TRIP10: variants seen among roughly 807,000 people sequenced by gnomAD.
TRIP10 encodes the protein cdc42-interacting protein 4.
Under a neutral mutation model 80.9 loss-of-function variants are expected in TRIP10, and 54 were observed. The observed-to-expected ratio is 0.67, with a 90% CI of 0.54 to 0.84. The LOEUF is 0.84. Ranked by LOEUF, TRIP10 falls within the 40% of genes least tolerant of loss-of-function variation. The pLI, the probability that TRIP10 is intolerant of heterozygous loss-of-function variation, is 0.00. For missense variants in TRIP10, 773 were observed against 815.3 expected, an observed-to-expected ratio of 0.95 and a Z score of 0.63; for synonymous variants, 321 against 307.2, an observed-to-expected ratio of 1.04 and a Z score of -0.47.
In TRIP10 at chr19:6,745,419, T is replaced by G. The variant is rs573620485; in HGVS notation, c.984+425T>G. On this transcript the variant is annotated intron_variant, in intron 9 of 14. Coordinates refer to ENST00000313244, the MANE Select transcript of TRIP10 (RefSeq NM_001288962.2). This position sits in a 1 kb window ranked among gnomAD's most constrained non-coding sequence, Gnocchi z 7.2. ...CCTTAGCACCCTTGGTTTATACCTTTGATTTATACTTTGGGTCCCTCTTCA... is the reference window on the plus strand; with the variant it reads ...CCTTAGCACCCTTGGTTTATACCTTGGATTTATACTTTGGGTCCCTCTTCA... 1.3e-5 allele frequency among the ~76,000 whole-genome samples: 2 copies of G among 152,320 alleles called. No individual in the cohort carries two copies. The highest frequency in any genetic ancestry group is 3.9e-4 in the East Asian group (2 of 5,186).
intron 1 of TRIP10, among the ~76,000 whole-genome samples, chr19:6,740,369 G>A (rs10410021): frequency 0.3 from 45,254 of 152,056 alleles, 6,830 homozygotes; most frequent in Non-Finnish European, 0.31. Flanking sequence ...TATAACCTCA[G>A]CCCTGGAAGC....
At position 6,745,156 on chromosome 19, in the gene TRIP10, G is replaced by A; in HGVS notation, c.984+162G>A. 9.7e-7 allele frequency: 1 copy of A among 1,032,626 alleles called. No homozygotes were observed. The highest frequency in any genetic ancestry group is 1.4e-6 in the Non-Finnish European group (1 of 736,704). The allele number at this position is 1,032,626 out of a possible 1,614,324, so 64.0% of individuals were successfully genotyped here. ...TGGAGGGAAGGAAGGCGGCCGATTG[G>A]CCTGGGAGTCCCCCGAGGCGAAGGC... On this transcript the variant is annotated intron_variant, in intron 9 of 14. Coordinates refer to ENST00000313244, the MANE Select transcript of TRIP10 (RefSeq NM_001288962.2). This position sits in a 1 kb window ranked among gnomAD's most constrained non-coding sequence, Gnocchi z 7.2.
At position 6,741,088 on chromosome 19, in the gene TRIP10, C is replaced by A; in HGVS notation, c.103C>A (p.Arg35Ser). 1 of 1,614,196 alleles carries A rather than the reference C, an allele frequency of 6.2e-7. No homozygotes were observed. Among genetic ancestry groups the A allele is most frequent in the Non-Finnish European group, 8.5e-7 (1 of 1,180,024 alleles). ...CAGATATGTAAAGTTCGTGAAAGAA[C>A]GCACCGAAGTGGAACAGGCTTACGC... ...LDRYVKFVKE[R>S]TEVEQAYAKQ... Residue 35 changes from arginine (R) to serine (S), a missense_variant, in exon 2 of 15, where the codon CGC (arginine) becomes AGC (serine). Physicochemically the swap from Arg to Ser is moderately radical, Grantham distance 110. Transcript: ENST00000313244.
In TRIP10 at chr19:6,745,095, C is replaced by T. The variant is rs528326436; in HGVS notation, c.984+101C>T. On this transcript the variant is annotated intron_variant, in intron 9 of 14. Transcript: ENST00000313244. The surrounding 1 kb of genome is among the most constrained non-coding windows in gnomAD (Gnocchi z 7.2). ...CCCCAGCCGCCTGAACGCCGAGTCT[C>T]GGGCAGGAATTTTCCTCTTGGCTGC... 259 of 1,402,474 alleles carry T rather than the reference C, an allele frequency of 1.8e-4. 1 individual carries two copies. Among genetic ancestry groups the T allele is most frequent in the South Asian group, 1.5e-3 (103 of 68,578 alleles). The allele number at this position is 1,402,474 out of a possible 1,614,324, so 86.9% of individuals were successfully genotyped here.
chr19:6,750,909 T>C, intron 14 of TRIP10, 154 bp from the exon 15 acceptor site: 1 of 1,245,272 alleles, frequency 8.0e-7, no homozygotes, highest in South Asian at 1.8e-5. Context: ...GGCAGGAGAA[T>C]CCCTTGAACC....
In TRIP10 at chr19:6,744,806, C is replaced by T; in HGVS notation, c.796C>T (p.His266Tyr). 1 of 1,612,912 alleles carries T rather than the reference C, an allele frequency of 6.2e-7. No individual in the cohort carries two copies. Among genetic ancestry groups the T allele is most frequent in the South Asian group, 1.1e-5 (1 of 90,864 alleles). The stretch of plus-strand genomic sequence containing the variant: ...CACTGTCCCCCTCCCCCAGGACTCC[C>T]ACGTCCTTATAGAGCTGCACAAGTC... ...ANAVDPKNDS[H>Y]VLIELHKSGF... The change falls in exon 9 of 15, where the codon CAC becomes TAC. Residue 266 changes from histidine to tyrosine, a missense_variant. Physicochemically the swap from His to Tyr is moderately conservative, Grantham distance 83. Transcript: ENST00000313244. This position sits in a 1 kb window ranked among gnomAD's most constrained non-coding sequence, Gnocchi z 4.9.
chr19:6,740,996 A>G lies in TRIP10; in HGVS notation c.25-14A>G. Reference sequence around the variant, plus strand: ...GGCCCCTCTCCCCTCCTCCCCCACCATGTCCCATGTCAGGATCAGTTCGAG... The same window carrying G: ...GGCCCCTCTCCCCTCCTCCCCCACCGTGTCCCATGTCAGGATCAGTTCGAG... On this transcript the variant is annotated splice_polypyrimidine_tract_variant and intron_variant, in intron 1 of 14. Coordinates refer to ENST00000313244, the MANE Select transcript of TRIP10 (RefSeq NM_001288962.2). 12 of 1,606,026 alleles carry G rather than the reference A, an allele frequency of 7.5e-6. No homozygotes were observed. The highest frequency in any genetic ancestry group is 8.5e-6 in the Non-Finnish European group (10 of 1,174,040).
chr19:6,740,269 G>C (rs1016159253), intron 1 of TRIP10, among the ~76,000 whole-genome samples: 3 of 152,202 alleles, frequency 2.0e-5, no homozygotes, highest in Admixed American at 2.0e-4. Context: ...GCTCATGGAG[G>C]GGAAGGGGGA....
rs1398888603 is a variant in TRIP10, at chr19:6,743,188, C to T, written c.346-6C>T. The T allele has an allele frequency of 1.2e-6, 2 of 1,614,212 alleles. No individual in the cohort carries two copies. Among genetic ancestry groups the T allele is most frequent in the East Asian group, 4.5e-5 (2 of 44,886 alleles). ...CTGGCGAGCCTTATCACTCTTCTTT[C>T]TGTAGCACTTCCAAGAAGGGCGGCG... On this transcript the variant is annotated splice_region_variant and splice_polypyrimidine_tract_variant and intron_variant, in intron 4 of 14. Transcript: ENST00000313244.
chr19:6,740,880 C>T (rs1599556502), intron 1 of TRIP10, 130 bp from the exon 2 acceptor site: 6 of 744,866 alleles, frequency 8.1e-6, no homozygotes, highest in Admixed American at 3.0e-5. Flanking sequence ...GCCGGGGCGG[C>T]GCCGGGAAGC....
chr19:6,747,167 T>TA (rs1341750504), intron 11 of TRIP10, among the ~76,000 whole-genome samples: 1 of 151,736 alleles, frequency 6.6e-6, no homozygotes, highest in Non-Finnish European at 1.5e-5. Flanking sequence ...CTAGCAAAAA[T>TA]AAAAAAATTA....
chr19:6,743,928 C>A (rs1479072148), intron 7 of TRIP10, 92 bp downstream of exon 7: 5 of 1,497,040 alleles, frequency 3.3e-6, no homozygotes, highest in African/African-American at 1.4e-5. Context: ...GCTGCAATGT[C>A]CCAGTCCCTA....
rs1320458489 is a variant in TRIP10, at chr19:6,749,972, C to T, written c.1301C>T (p.Thr434Ile). ...AAAATGAAGGATGTCTATGAGAAGA[C>T]ACCTCAGATGGGGGACCCCGCCAGC... ...LKKMKDVYEK[T>I]PQMGDPASLE... Residue 434 changes from threonine (T) to isoleucine (I), a missense_variant, in exon 12 of 15, where the codon ACA (threonine) becomes ATA (isoleucine). Coordinates refer to ENST00000313244, the MANE Select transcript of TRIP10 (RefSeq NM_001288962.2). The T allele has an allele frequency of 6.2e-6, 10 of 1,614,148 alleles. No homozygotes were observed. Among genetic ancestry groups the T allele is most frequent in the Admixed American group, 1.7e-5 (1 of 60,022 alleles).
rs555767098 is a variant in TRIP10 at position 6,745,210 on chromosome 19, C to G, written c.984+216C>G. The G allele has an allele frequency of 1.4e-5, 9 of 623,308 alleles. No individual in the cohort carries two copies. The highest frequency in any genetic ancestry group is 2.4e-5 in the Non-Finnish European group (9 of 379,048). 38.6% of individuals were successfully genotyped at this position (623,308 alleles called of 1,614,324 possible). ...GGCAGGGTGGGGAGGTGGGGAGGTC[C>G]GTGGCGTTTGTCTGCTGCTTCTCGG... On this transcript the variant is annotated intron_variant, in intron 9 of 14. Transcript: ENST00000313244. The surrounding 1 kb of genome is among the most constrained non-coding windows in gnomAD (Gnocchi z 7.2).
intron 1 of TRIP10, 110 bp downstream of exon 1, chr19:6,739,895 C>T: frequency 8.1e-7 from 1 of 1,238,238 alleles, no homozygotes; most frequent in Non-Finnish European, 1.0e-6. Flanking sequence ...TTCCACCGAC[C>T]CCTGGGTCCC....
chr19:6,749,000 G>A (rs1005508672), intron 11 of TRIP10: 1 of 152,066 alleles, frequency 6.6e-6, no homozygotes, highest in African/African-American at 2.4e-5. Flanking sequence ...AATTTTCAAG[G>A]TTTCCTGAGA....
intron 11 of TRIP10, among the ~76,000 whole-genome samples, chr19:6,748,033 A>C (rs1233333442): frequency 6.6e-6 from 1 of 152,156 alleles, no homozygotes; most frequent in East Asian, 1.9e-4. Flanking sequence ...CCAATAATGC[A>C]AAGATAGTTC....
At chr19:6,748,916 T>C (rs978623636) in intron 11 of TRIP10, 2 of 152,176 alleles carry the variant, frequency 1.3e-5, no homozygotes, top group African/African-American at 2.4e-5. Flanking sequence ...AAACTGATGA[T>C]AATGATAACA....
intron 7 of TRIP10, 48 bp downstream of exon 7, chr19:6,743,884 G>A: frequency 6.2e-7 from 1 of 1,606,536 alleles, no homozygotes; most frequent in Non-Finnish European, 8.5e-7. Flanking sequence ...GCCTCCAAAT[G>A]TTAGCCAACT....
Sources: gnomAD v4.1 joint callset for allele counts (sites outside exome capture counted in the v4.1 genomes callset) on GRCh38, gnomAD v4.1.1 for gene constraint, Gnocchi (gnomAD v3.1) non-coding constraint, MANE v1.5 for transcripts, NCBI Gene and HGNC (gene_info 2026-07-23, HGNC 2026-07-21) for gene names.